MTDH: variants seen among roughly 807,000 people sequenced by gnomAD.
MTDH encodes protein LYRIC.
MTDH carries 34 observed loss-of-function variants against 72.7 expected under a neutral mutation model. The observed-to-expected ratio is 0.47, with a 90% CI of 0.36 to 0.62. The LOEUF is 0.62. MTDH is among the 20% of genes least tolerant of loss of function. The probability of loss-of-function intolerance (pLI) is 0.00; values close to 1 mark genes in which losing one functional copy is unlikely to be tolerated. For synonymous variants in MTDH, 266 were observed against 268.9 expected (o/e 0.99, Z 0.10); for missense variants, 677 against 699.4 (o/e 0.97, Z 0.36).
intron 2 of MTDH, among the ~76,000 whole-genome samples, chr8:97,675,561 A>C (rs1388959878): frequency 3.1e-5 from 4 of 131,080 alleles, no homozygotes; most frequent in Non-Finnish European, 3.1e-5. Context: ...CTCTGTCTCA[A>C]AAAAAAAAAA....
chr8:97,673,242 C>A (rs2130962421), intron 2 of MTDH, among the ~76,000 whole-genome samples: 1 of 152,212 alleles, frequency 6.6e-6, no homozygotes, highest in Admixed American at 6.5e-5. Context: ...ACAATTAGGC[C>A]AGGCATGGTG....
chr8:97,671,939 G>T (rs1249197617), intron 2 of MTDH, among the ~76,000 whole-genome samples: 1 of 152,166 alleles, frequency 6.6e-6, no homozygotes, highest in East Asian at 1.9e-4. Flanking sequence ...ATTGCTCTGG[G>T]AGAGATCAGT....
chr8:97,719,868 G>A lies in MTDH; in HGVS notation c.1521+679G>A, dbSNP rs16896130. 7.1e-3 allele frequency among the ~76,000 whole-genome samples: 1,086 copies of A among 152,290 alleles called. 11 individuals carry two copies. The highest frequency in any genetic ancestry group is 0.024 in the South Asian group (115 of 4,830). Reference sequence around the variant, plus strand: ...AAAATGGAACATTTGTTTAAAACTTGGTTATAGGCTCTTGAATGATGTGCC... The same window carrying A: ...AAAATGGAACATTTGTTTAAAACTTAGTTATAGGCTCTTGAATGATGTGCC... On this transcript the variant is annotated intron_variant, in intron 10 of 11. Transcript: ENST00000336273.
At chr8:97,703,201 CA>C (rs914590378) in intron 7 of MTDH, among the ~76,000 whole-genome samples, 13 of 151,124 alleles carry the variant, frequency 8.6e-5, no homozygotes, top group Non-Finnish European at 1.6e-4. Context: ...CCCATCTCTA[CA>C]AAAAAAAATT....
chr8:97,646,664 G>A (rs1160959145), intron 1 of MTDH, among the ~76,000 whole-genome samples: 1 of 152,184 alleles, frequency 6.6e-6, no homozygotes, highest in Non-Finnish European at 1.5e-5. Flanking sequence ...AGATTCCGGC[G>A]AATGCTTATA....
chr8:97,652,511 A>C (rs1415779971), intron 1 of MTDH, among the ~76,000 whole-genome samples: 1 of 152,164 alleles, frequency 6.6e-6, no homozygotes, highest in African/African-American at 2.4e-5. Context: ...TACAGTTTGT[A>C]CATTATTTGT....
rs1466262879 is a variant in MTDH at position 97,687,529 on chromosome 8, G to A, written c.669G>A (p.Gly223=). ...DSGSLDSTIP[G]IENTITVTTE... ...GTTCATTGGATTCAACTATCCCTGG[G>A]ATAGAAAATACCATCACAGTTACCA... The change falls in exon 4 of 12, where the codon GGG becomes GGA. Residue 223 remains glycine, a synonymous_variant. Coordinates refer to ENST00000336273, the MANE Select transcript of MTDH (RefSeq NM_178812.4). 6.2e-7 allele frequency: 1 copy of A among 1,613,368 alleles called. No individual in the cohort carries two copies. The highest frequency in any genetic ancestry group is 8.5e-7 in the Non-Finnish European group (1 of 1,179,714).
At chr8:97,672,521 A>G (rs1812665434) in intron 2 of MTDH, among the ~76,000 whole-genome samples, 1 of 152,208 alleles carries the variant, frequency 6.6e-6, no homozygotes, top group Non-Finnish European at 1.5e-5. Context: ...TTTTTCTGTA[A>G]AAAAGAATAC....
At position 97,644,719 on chromosome 8, in the gene MTDH, G is replaced by C. The variant is rs1398401714; in HGVS notation, c.213G>C (p.Trp71Cys). 1.9e-6 allele frequency: 3 copies of C among 1,587,738 alleles called. No individual in the cohort carries two copies. Among genetic ancestry groups the C allele is most frequent in the Non-Finnish European group, 2.6e-6 (3 of 1,171,720 alleles). Residue 71 changes from tryptophan to cysteine, a missense_variant, in exon 1 of 12, where the codon TGG becomes TGC. Trp to Cys is a radical substitution (Grantham distance 215, BLOSUM62 -2). This residue lies in a region of MTDH where 467 missense variants were observed against 469.1 expected (regional missense o/e 1.00). Transcript: ENST00000336273. ...TGCTGTTTCTGCTGGGCTACGGCTG[G>C]GCCGCGGCTTGCGCCGGCGCCCGCA... is the stretch of plus-strand genomic sequence containing the variant. ...LLLLFLLGYG[W>C]AAACAGARKK...
rs577056710 is a variant in MTDH at position 97,721,291 on chromosome 8, A to G, written c.1522-1588A>G. Among the ~76,000 whole-genome samples the G allele has an allele frequency of 1.1e-3, 163 of 152,174 alleles. 1 individual carries two copies. Among genetic ancestry groups the G allele is most frequent in the African/African-American group, 3.7e-3 (155 of 41,542 alleles). ...CCCCCGTCTCTACCAAAAATACAAA[A>G]AAGTAACTGGATGTGGTGGTGTGCA... On this transcript the variant is annotated intron_variant, in intron 10 of 11. Coordinates refer to ENST00000336273, the MANE Select transcript of MTDH (RefSeq NM_178812.4).
intron 1 of MTDH, among the ~76,000 whole-genome samples, chr8:97,645,498 G>C (rs1476210160): frequency 6.6e-6 from 1 of 152,192 alleles, no homozygotes; most frequent in African/African-American, 2.4e-5. Flanking sequence ...AAGGCAAGAG[G>C]GGGTCGGTTA....
chr8:97,704,989 C>T (rs1294090954), intron 7 of MTDH, among the ~76,000 whole-genome samples: 3 of 152,168 alleles, frequency 2.0e-5, no homozygotes, highest in Non-Finnish European at 4.4e-5. Context: ...CAGAAACAGA[C>T]TGAAGTGCAT....
intron 6 of MTDH, among the ~76,000 whole-genome samples, chr8:97,692,537 T>G (rs1813654816): frequency 6.6e-6 from 1 of 150,606 alleles, no homozygotes; most frequent in Non-Finnish European, 1.5e-5. Flanking sequence ...CAAACTCAGC[T>G]AATTATTTTT....
chr8:97,707,568 T>C (rs1277268439), intron 8 of MTDH, among the ~76,000 whole-genome samples: 1 of 150,052 alleles, frequency 6.7e-6, no homozygotes, highest in African/African-American at 2.5e-5. Context: ...GTGTCTGGCC[T>C]GCACAGTCTT....
intron 7 of MTDH, among the ~76,000 whole-genome samples, chr8:97,704,371 G>A (rs1160317957): frequency 1.3e-5 from 2 of 152,170 alleles, no homozygotes; most frequent in Non-Finnish European, 2.9e-5. Flanking sequence ...AATAAGGATT[G>A]GATAGATGTA....
At position 97,646,898 on chromosome 8, in the gene MTDH, T is replaced by C. The variant is rs1811583937; in HGVS notation, c.381+2011T>C. Among the ~76,000 whole-genome samples the C allele has an allele frequency of 2.6e-5, 4 of 152,356 alleles. No individual in the cohort carries two copies. In the South Asian group the frequency reaches 8.3e-4, roughly 32 times the overall value. ...ACCAACATTTACAAAATTGTGACTTTCAAGCTTTTCTGACTGCAACCCACA... is the reference window on the plus strand; with the variant it reads ...ACCAACATTTACAAAATTGTGACTTCCAAGCTTTTCTGACTGCAACCCACA... On this transcript the variant is annotated intron_variant, in intron 1 of 11. Coordinates refer to ENST00000336273, the MANE Select transcript of MTDH (RefSeq NM_178812.4).
At chr8:97,645,659 C>G (rs1811538406) in intron 1 of MTDH, among the ~76,000 whole-genome samples, 1 of 152,164 alleles carries the variant, frequency 6.6e-6, no homozygotes, top group Non-Finnish European at 1.5e-5. Context: ...GAGAGGAATT[C>G]AGGCACCGAT....
Position 97,661,076 on chromosome 8 carries a change from A to G in MTDH, c.386A>G (p.Asn129Ser). 6.2e-7 allele frequency: 1 copy of G among 1,612,452 alleles called. No homozygotes were observed. Among genetic ancestry groups the G allele is most frequent in the South Asian group, 1.1e-5 (1 of 90,742 alleles). Residue 129 changes from asparagine to serine, a missense_variant, in exon 2 of 12, where the codon AAT becomes AGT. Asn to Ser is a conservative substitution (Grantham distance 46). This residue lies in a region of MTDH where 467 missense variants were observed against 469.1 expected (regional missense o/e 1.00). Coordinates refer to ENST00000336273, the MANE Select transcript of MTDH (RefSeq NM_178812.4). Reference protein sequence around the residue: ...RKKLSEKPKPNGRTVEVAEGE... With the variant: ...RKKLSEKPKPSGRTVEVAEGE... ...TACTTTTTGTTGCCTGTGCAGCCAA[A>G]TGGGCGGACTGTTGAAGTGGCTGAG...
intron 6 of MTDH, among the ~76,000 whole-genome samples, chr8:97,691,395 T>C (rs148247538): frequency 1.3e-5 from 2 of 152,334 alleles, no homozygotes; most frequent in Non-Finnish European, 2.9e-5. Context: ...CTTTACATAG[T>C]GCTTTCACAT....
Sources: allele counts gnomAD v4.1 joint callset (sites outside exome capture counted in the v4.1 genomes callset), GRCh38; gene constraint gnomAD v4.1.1; regional missense constraint gnomAD v4.1.1; transcripts MANE v1.5; gene names NCBI Gene and HGNC (gene_info 2026-07-23, HGNC 2026-07-21).